ZEB2: variants seen among roughly 807,000 people sequenced by gnomAD.
The protein encoded by ZEB2 is zinc finger E-box binding homeobox 2.
Under a neutral mutation model 99.9 loss-of-function variants are expected in ZEB2, and 6 were observed. That is an observed-to-expected ratio of 0.06 (90% confidence interval 0.03 to 0.12). The LOEUF (loss-of-function observed/expected upper bound fraction) is 0.12, where lower values mean the gene tolerates loss of function less well. Ranked by LOEUF, ZEB2 falls within the 10% of genes least tolerant of loss-of-function variation. The pLI is 1.00. For missense variants in ZEB2, 969 were observed against 1,502.8 expected (o/e 0.64, Z 5.87); for synonymous variants, 517 against 542.5 (o/e 0.95, Z 0.65).
intron 8 of ZEB2, chr2:144,397,704 G>A (rs901609510): frequency 4.4e-5 from 7 of 160,206 alleles, no homozygotes; most frequent in South Asian, 1.7e-4. Flanking sequence ...GCTGTGGCAC[G>A]ATCTCTGCTC....
At chr2:144,513,201 C>G in intron 2 of ZEB2, 1 of 1,287,206 alleles carries the variant, frequency 7.8e-7, no homozygotes, top group Non-Finnish European at 1.0e-6. Context: ...TGCCTCTAAC[C>G]ATCACTACCA....
intron 3 of ZEB2, among the ~76,000 whole-genome samples, chr2:144,425,271 C>T (rs967227987): frequency 5.9e-5 from 9 of 152,202 alleles, no homozygotes; most frequent in Middle Eastern, 3.2e-3. Context: ...GTCAGAATTT[C>T]ACATTTTGTT....
chr2:144,486,009 A>G (rs1560645221), intron 2 of ZEB2, among the ~76,000 whole-genome samples: 2 of 152,178 alleles, frequency 1.3e-5, no homozygotes, highest in Non-Finnish European at 2.9e-5. Context: ...TTTTTGAGTT[A>G]GTGTTATTTG....
chr2:144,480,879 G>A (rs1053771170), intron 2 of ZEB2, among the ~76,000 whole-genome samples: 2 of 152,024 alleles, frequency 1.3e-5, no homozygotes, highest in East Asian at 1.9e-4. Flanking sequence ...CTGCTTTCAC[G>A]ATATGAAAGA....
At chr2:144,409,906 AGTT>A (rs1278664045) in intron 4 of ZEB2, among the ~76,000 whole-genome samples, 22 of 150,986 alleles carry the variant, frequency 1.5e-4, no homozygotes, top group Non-Finnish European at 2.5e-4. Flanking sequence ...ACCAAAAAAA[AGTT>A]GTTGTTTTTT....
At chr2:144,401,357 A>C (rs764375857) in intron 6 of ZEB2, 50 bp from the exon 7 acceptor site, 2 of 1,579,574 alleles carry the variant, frequency 1.3e-6, no homozygotes, top group African/African-American at 2.7e-5. Context: ...GGAACAAAGA[A>C]AATTTGTTAC....
intron 2 of ZEB2, among the ~76,000 whole-genome samples, chr2:144,515,113 G>A (rs1381733896): frequency 6.6e-6 from 1 of 152,104 alleles, no homozygotes; most frequent in Admixed American, 6.6e-5. Context: ...GAAGGAGGAA[G>A]GCAAGAAGAA....
intron 2 of ZEB2, chr2:144,494,783 A>T (rs1704737090): frequency 6.6e-6 from 1 of 152,166 alleles, no homozygotes; most frequent in Non-Finnish European, 1.5e-5. Flanking sequence ...TACCTGTGAA[A>T]TCCATGCATA....
intron 2 of ZEB2, among the ~76,000 whole-genome samples, chr2:144,441,131 C>A (rs116838871): frequency 0.012 from 1,731 of 142,314 alleles, 12 homozygotes; most frequent in Non-Finnish European, 0.019. Context: ...CAATGATCAC[C>A]CTCTTTTCCT....
At position 144,398,752 on chromosome 2, in the gene ZEB2, T is replaced by C; in HGVS notation, c.2435A>G (p.Gln812Arg). The C allele has an allele frequency of 6.2e-7, 1 of 1,614,180 alleles. No individual in the cohort carries two copies. The highest frequency in any genetic ancestry group is 1.1e-5 in the South Asian group (1 of 91,088). Reference sequence around the variant, plus strand: ...TAATGACAAGTCTAAAGGCTCAGCCTGGAGCTCCTCAGAAGAGAAGCTGTT... The same window carrying C: ...TAATGACAAGTCTAAAGGCTCAGCCCGGAGCTCCTCAGAAGAGAAGCTGTT... ...TPNSFSSEEL[Q>R]AEPLDLSLPK... The change falls in exon 8 of 10, where the codon CAG becomes CGG. Residue 812 changes from glutamine (Q) to arginine (R), a missense_variant. Coordinates refer to ENST00000627532, the MANE Select transcript of ZEB2 (RefSeq NM_014795.4).
At chr2:144,441,802 G>A (rs1703922249) in intron 2 of ZEB2, among the ~76,000 whole-genome samples, 1 of 152,152 alleles carries the variant, frequency 6.6e-6, no homozygotes, top group South Asian at 2.1e-4. Flanking sequence ...CTAAAAAAAG[G>A]GAGCAGTTTG....
intron 4 of ZEB2, among the ~76,000 whole-genome samples, chr2:144,412,979 A>C (rs1417457888): frequency 1.3e-5 from 2 of 151,892 alleles, no homozygotes; most frequent in Non-Finnish European, 2.9e-5. Flanking sequence ...GGGTCCTTGG[A>C]CTCCTCATTT....
chr2:144,409,151 A>C (rs1703425046), intron 4 of ZEB2, among the ~76,000 whole-genome samples: 1 of 152,104 alleles, frequency 6.6e-6, no homozygotes, highest in Non-Finnish European at 1.5e-5. Context: ...CACCTTCCTT[A>C]AATTCCGTGA....
chr2:144,473,953 T>C (rs890582), intron 2 of ZEB2, among the ~76,000 whole-genome samples: 118,756 of 152,158 alleles, frequency 0.78, 46,735 homozygotes, highest in Non-Finnish European at 0.83. Flanking sequence ...TAATGATTCA[T>C]CCGGTTTTCT....
intron 3 of ZEB2, chr2:144,429,517 GTTGAAAGTGTGGTTCATGT>G (rs1368884212): frequency 1.8e-6 from 1 of 540,950 alleles, no homozygotes; most frequent in Non-Finnish European, 3.3e-6. Flanking sequence ...CATGTTATGT[GTTGAAAGTGTGGTTCATGT>G]TTGACTTGCA....
intron 2 of ZEB2, among the ~76,000 whole-genome samples, chr2:144,451,805 T>C (rs2149900082): frequency 6.6e-6 from 1 of 152,368 alleles, no homozygotes; most frequent in East Asian, 1.9e-4. Flanking sequence ...AACTTTTAAC[T>C]CTTGGGTTTT....
intron 2 of ZEB2, among the ~76,000 whole-genome samples, chr2:144,469,209 T>C (rs1475818117): frequency 6.6e-6 from 1 of 152,164 alleles, no homozygotes; most frequent in Non-Finnish European, 1.5e-5. Flanking sequence ...AGTTGTAAGG[T>C]TTTTTAAAAA....
chr2:144,402,179 A>T (rs1475561764), intron 6 of ZEB2, among the ~76,000 whole-genome samples: 1 of 152,202 alleles, frequency 6.6e-6, no homozygotes, highest in Non-Finnish European at 1.5e-5. Context: ...AACAAGGGGA[A>T]AAAAGCAGTG....
intron 2 of ZEB2, among the ~76,000 whole-genome samples, chr2:144,433,494 T>C (rs1703799730): frequency 6.6e-6 from 1 of 152,218 alleles, no homozygotes; most frequent in Non-Finnish European, 1.5e-5. Flanking sequence ...TGTGGAATCA[T>C]ATTAAAGTTT....
Sources: allele counts gnomAD v4.1 joint callset (sites outside exome capture counted in the v4.1 genomes callset), GRCh38; gene constraint gnomAD v4.1.1; transcripts MANE v1.5; gene names NCBI Gene and HGNC (gene_info 2026-07-23, HGNC 2026-07-21).